SLC6A16: variants seen among roughly 807,000 people sequenced by gnomAD.
The protein encoded by SLC6A16 is orphan sodium- and chloride-dependent neurotransmitter transporter NTT5.
SLC6A16 carries 54 observed loss-of-function variants against 65.4 expected under a neutral mutation model. That is an observed-to-expected ratio of 0.83 (90% CI 0.66 to 1.04). The LOEUF is 1.04. SLC6A16 is among the 50% of genes least tolerant of loss of function. The pLI is 0.00. For missense variants in SLC6A16, 816 were observed against 914.0 expected (o/e 0.89, Z 1.38); for synonymous variants, 330 against 346.5 (o/e 0.95, Z 0.53).
the SLC6A16 span, among the ~76,000 whole-genome samples, chr19:49,330,226 T>A: frequency 6.6e-6 from 1 of 152,152 alleles, no homozygotes; most frequent in Non-Finnish European, 1.5e-5. Context: ...AATCAATAGT[T>A]TCGTTTTGGG....
At chr19:49,316,871 A>T (rs1351410371) in intron 1 of SLC6A16, among the ~76,000 whole-genome samples, 1 of 151,642 alleles carries the variant, frequency 6.6e-6, no homozygotes, top group African/African-American at 2.4e-5. Flanking sequence ...AAAAAAAAAA[A>T]AAAATTAAAA....
chr19:49,335,592 T>G, the SLC6A16 span: 2 of 1,614,016 alleles, frequency 1.2e-6, no homozygotes, highest in Non-Finnish European at 1.7e-6. This position sits in a 1 kb window ranked among gnomAD's most constrained non-coding sequence, Gnocchi z 4.6. Context: ...CCTCTTCGTT[T>G]TCAACCTCTT....
In SLC6A16 at chr19:49,289,889, T is replaced by C; in HGVS notation, c.*234A>G. On this transcript the variant is annotated 3_prime_UTR_variant, in exon 12 of 12. Coordinates refer to ENST00000335875, the MANE Select transcript of SLC6A16 (RefSeq NM_014037.3). ...ACTAGTATTGTATATGTGTTGTGCA[T>C]GTATGTGTGTTGAGGAAGAGGATGG... The C allele has an allele frequency of 3.6e-6, 2 of 559,652 alleles. No individual in the cohort carries two copies. The highest frequency in any genetic ancestry group is 6.4e-6 in the Non-Finnish European group (2 of 313,250). The allele number at this position is 559,652 out of a possible 1,614,324, so 34.7% of individuals were successfully genotyped here.
chr19:49,313,223 A>C (rs1286959450), intron 1 of SLC6A16, among the ~76,000 whole-genome samples: 2 of 152,102 alleles, frequency 1.3e-5, no homozygotes, highest in Non-Finnish European at 2.9e-5. Context: ...ATGCAGTGGC[A>C]TGATCCACAG....
At position 49,294,409 on chromosome 19, in the gene SLC6A16, G is replaced by A. The variant is rs376862466; in HGVS notation, c.1374C>T (p.Leu458=). The A allele has an allele frequency of 4.3e-6, 7 of 1,614,032 alleles. No homozygotes were observed. Among genetic ancestry groups the A allele is most frequent in the Non-Finnish European group, 5.9e-6 (7 of 1,180,026 alleles). The change falls in exon 8 of 12, where the codon CTC becomes CTT. Residue 458 remains leucine, a synonymous_variant. Coordinates refer to ENST00000335875, the MANE Select transcript of SLC6A16 (RefSeq NM_014037.3). ...GLPQHIKSMV[L]REVTECNIET... is the part of the protein sequence containing the mutation. Reference sequence around the variant, plus strand: ...CTATGTTGCACTCAGTCACCTCGCGGAGAACCATGCTTTTGATGTGCTGGG... The same window carrying A: ...CTATGTTGCACTCAGTCACCTCGCGAAGAACCATGCTTTTGATGTGCTGGG...
intron 7 of SLC6A16, among the ~76,000 whole-genome samples, chr19:49,307,349 C>T (rs1970410668): frequency 6.6e-6 from 1 of 151,796 alleles, no homozygotes; most frequent in South Asian, 2.1e-4. Context: ...TCTCACACAT[C>T]CCTGATGGGA....
chr19:49,311,310 G>A lies in SLC6A16; in HGVS notation c.38C>T (p.Ala13Val), dbSNP rs755431681. 3.1e-6 allele frequency: 5 copies of A among 1,603,590 alleles called. No homozygotes were observed. The highest frequency in any genetic ancestry group is 4.3e-6 in the Non-Finnish European group (5 of 1,175,426). Residue 13 changes from alanine to valine, a missense_variant, in exon 2 of 12, where the codon GCA becomes GTA. Physicochemically the swap from Ala to Val is moderately conservative, Grantham distance 64. Transcript: ENST00000335875. ...TEAQPSTSLL[A>V]NTSWTGTVIS... Reference sequence around the variant, plus strand: ...CACTGTGCCAGTCCATGAGGTGTTTGCCAGCAAGGATGTCGAAGGCTGGGC... The same window carrying A: ...CACTGTGCCAGTCCATGAGGTGTTTACCAGCAAGGATGTCGAAGGCTGGGC...
At chr19:49,304,790 AAGAT>A (rs1350298203) in intron 7 of SLC6A16, among the ~76,000 whole-genome samples, 2 of 152,232 alleles carry the variant, frequency 1.3e-5, no homozygotes, top group East Asian at 1.9e-4. Context: ...TCCATAGAAA[AAGAT>A]AGATCATCCA....
chr19:49,310,637 CA>C, intron 2 of SLC6A16, 127 bp from the exon 3 acceptor site: 1 of 992,762 alleles, frequency 1.0e-6, no homozygotes, highest in Non-Finnish European at 1.5e-6. Context: ...AGGGCTCACC[CA>C]TGTCTACATC....
intron 7 of SLC6A16, 60 bp from the exon 8 acceptor site, chr19:49,294,613 T>C: frequency 7.3e-7 from 1 of 1,361,282 alleles, no homozygotes; most frequent in Non-Finnish European, 1.0e-6. Flanking sequence ...TAGTCTCCTT[T>C]TCCCTTATCT....
rs1970715927 is a variant in SLC6A16 at position 49,321,835 on chromosome 19, T to G, written c.-65+3213A>C. 2.0e-5 allele frequency among the ~76,000 whole-genome samples: 3 copies of G among 151,596 alleles called. No homozygotes were observed. The South Asian group carries it at 6.3e-4, about 32-fold the overall frequency. On this transcript the variant is annotated intron_variant, in intron 1 of 11. Transcript: ENST00000335875. ...TACTCATGAGGCTGAGATGGGAGAATCACTTCAGCCCAGGAGGTCAACGCT... is the reference window on the plus strand; with the variant it reads ...TACTCATGAGGCTGAGATGGGAGAAGCACTTCAGCCCAGGAGGTCAACGCT...
In SLC6A16 at chr19:49,289,931, G is replaced by A; in HGVS notation, c.*192C>T. On this transcript the variant is annotated 3_prime_UTR_variant, in exon 12 of 12. Coordinates refer to ENST00000335875, the MANE Select transcript of SLC6A16 (RefSeq NM_014037.3). ...AGAGGATGGGGAAAACAATGATGGTGGTCACCAGGTAAGATGGGACCCAGG... is the reference window on the plus strand; with the variant it reads ...AGAGGATGGGGAAAACAATGATGGTAGTCACCAGGTAAGATGGGACCCAGG... 1 of 601,852 alleles carries A rather than the reference G, an allele frequency of 1.7e-6. No homozygotes were observed. The highest frequency in any genetic ancestry group is 1.9e-5 in the African/African-American group (1 of 53,918). 37.3% of individuals were successfully genotyped at this position (601,852 alleles called of 1,614,324 possible).
rs1473936066 is a variant in SLC6A16, at chr19:49,293,321, G to T, written c.1680C>A (p.Tyr560Ter). The change falls in exon 10 of 12, where the codon TAC becomes TAA. Residue 560 changes from tyrosine (Y) to a stop codon, truncating the protein, a stop_gained. Coordinates refer to ENST00000335875, the MANE Select transcript of SLC6A16 (RefSeq NM_014037.3). LOFTEE classifies it high-confidence loss of function. ...AGTAGTCACTCAGCAGTCTGATGAA[G>T]TAGCTGCCTGAAGGTCGAGTGAAGA... Reference protein sequence around the residue: ...GLFFTRPSGSYFIRLLSDYWI... With the variant: ...GLFFTRPSGS 3 of 1,614,146 alleles carry T rather than the reference G, an allele frequency of 1.9e-6. No individual in the cohort carries two copies. In the East Asian group the frequency reaches 6.7e-5, roughly 36 times the overall value.
chr19:49,297,530 T>C (rs1970207532), intron 7 of SLC6A16, among the ~76,000 whole-genome samples: 1 of 152,214 alleles, frequency 6.6e-6, no homozygotes, highest in African/African-American at 2.4e-5. Context: ...CAAATTCTTA[T>C]GAAATTAAAC....
the SLC6A16 span, chr19:49,338,998 C>A: frequency 1.1e-5 from 15 of 1,305,506 alleles, no homozygotes; most frequent in Non-Finnish European, 1.6e-5. This position sits in a 1 kb window ranked among gnomAD's most constrained non-coding sequence, Gnocchi z 5.0. Context: ...AGGGGGAGGG[C>A]TGTCAGTGAG....
chr19:49,337,457 T>C, the SLC6A16 span, among the ~76,000 whole-genome samples: 1 of 149,238 alleles, frequency 6.7e-6, no homozygotes, highest in Non-Finnish European at 1.5e-5. Flanking sequence ...TGAGACCCCA[T>C]CTATATTTAA....
intron 7 of SLC6A16, among the ~76,000 whole-genome samples, chr19:49,302,487 C>T (rs1356092527): frequency 2.0e-5 from 3 of 152,146 alleles, no homozygotes; most frequent in African/African-American, 4.8e-5. Flanking sequence ...GCCACTGGAC[C>T]CAGTGCCAGA....
At chr19:49,338,608 C>G in the SLC6A16 span, 11 of 927,340 alleles carry the variant, frequency 1.2e-5, no homozygotes, top group Non-Finnish European at 1.7e-6. This position sits in a 1 kb window ranked among gnomAD's most constrained non-coding sequence, Gnocchi z 5.0. Flanking sequence ...CCCCTGCTCC[C>G]CGACCTGACC....
intron 1 of SLC6A16, among the ~76,000 whole-genome samples, chr19:49,324,570 G>A (rs747749258): frequency 3.3e-5 from 5 of 152,164 alleles, no homozygotes; most frequent in Non-Finnish European, 7.3e-5. Flanking sequence ...CCTGTGGGGA[G>A]TGCTCAGGAT....
Sources: allele counts gnomAD v4.1 joint callset (sites outside exome capture counted in the v4.1 genomes callset), GRCh38; gene constraint gnomAD v4.1.1; non-coding constraint Gnocchi (gnomAD v3.1); transcripts MANE v1.5; gene names NCBI Gene and HGNC (gene_info 2026-07-23, HGNC 2026-07-21).